The following PLCB4 variants were observed in gnomAD, a reference collection of about 807,000 sequenced individuals.
PLCB4 encodes 1-phosphatidylinositol 4,5-bisphosphate phosphodiesterase beta-4.
In PLCB4, 77 loss-of-function variants were observed where a neutral mutation model predicts 178.8. That is an observed-to-expected ratio of 0.43 (90% CI 0.36 to 0.52). PLCB4 has a LOEUF of 0.52. Ranked by LOEUF, PLCB4 falls within the 20% of genes least tolerant of loss-of-function variation. The pLI is 0.00. For missense variants in PLCB4, 1,024 were observed against 1,453.4 expected (o/e 0.70, Z 4.80); for synonymous variants, 496 against 490.8 (o/e 1.01, Z -0.14).
intron 37 of PLCB4, 25 bp from the exon 38 acceptor site, chr20:9,473,254 A>ATTTTTTT (rs3037097): frequency 8.4e-7 from 1 of 1,196,200 alleles, no homozygotes; most frequent in African/African-American, 1.7e-5. Flanking sequence ...TTCAATCAGA[A>ATTTTTTT]TTTTTTTTTT....
intron 7 of PLCB4, among the ~76,000 whole-genome samples, chr20:9,339,615 T>C (rs1017282818): frequency 6.6e-6 from 1 of 152,172 alleles, no homozygotes; most frequent in African/African-American, 2.4e-5. Flanking sequence ...ATAAAATTTA[T>C]TAGTGACATA....
At chr20:9,232,047 C>G (rs901393276) in intron 3 of PLCB4, among the ~76,000 whole-genome samples, 1 of 152,216 alleles carries the variant, frequency 6.6e-6, no homozygotes, top group African/African-American at 2.4e-5. Flanking sequence ...AGAGGCACCT[C>G]ACAAAATAAT....
intron 35 of PLCB4, among the ~76,000 whole-genome samples, chr20:9,463,027 G>A (rs1189010813): frequency 1.3e-5 from 2 of 152,130 alleles, no homozygotes; most frequent in Admixed American, 6.6e-5. Flanking sequence ...GAAAGGTCGG[G>A]TTACCCACAA....
chr20:9,345,922 T>C (rs1601986450), intron 7 of PLCB4, among the ~76,000 whole-genome samples: 1 of 152,194 alleles, frequency 6.6e-6, no homozygotes, highest in African/African-American at 2.4e-5. Context: ...AAAGACTTAC[T>C]GCAATGGTTC....
At chr20:9,238,220 C>A (rs552514572) in intron 3 of PLCB4, among the ~76,000 whole-genome samples, 2 of 152,250 alleles carry the variant, frequency 1.3e-5, no homozygotes, top group East Asian at 3.9e-4. Flanking sequence ...ATAGTGCCAG[C>A]ATATACTGTT....
intron 2 of PLCB4, among the ~76,000 whole-genome samples, chr20:9,143,792 T>C (rs2092542113): frequency 1.3e-5 from 2 of 152,134 alleles, no homozygotes; most frequent in African/African-American, 4.8e-5. Flanking sequence ...GGAACAGCAT[T>C]GGCAAGAAAT....
intron 2 of PLCB4, among the ~76,000 whole-genome samples, chr20:9,110,926 G>C (rs1330476090): frequency 6.6e-6 from 1 of 152,080 alleles, no homozygotes; most frequent in Admixed American, 6.6e-5. Flanking sequence ...ATATTGTACT[G>C]TTGTTCTTTT....
intron 4 of PLCB4, among the ~76,000 whole-genome samples, chr20:9,321,853 C>T (rs1481276696): frequency 1.3e-5 from 2 of 151,862 alleles, no homozygotes; most frequent in African/African-American, 2.4e-5. Flanking sequence ...AGGCTGGTCT[C>T]GAACTTTTGA....
At chr20:9,154,341 T>C (rs1480541447) in intron 2 of PLCB4, among the ~76,000 whole-genome samples, 2 of 152,152 alleles carry the variant, frequency 1.3e-5, no homozygotes, top group African/African-American at 2.4e-5. Flanking sequence ...CTGAATAAAA[T>C]TGGGGCTCTC....
At chr20:9,467,555 G>A (rs1298557509) in intron 35 of PLCB4, among the ~76,000 whole-genome samples, 1 of 152,126 alleles carries the variant, frequency 6.6e-6, no homozygotes, top group Non-Finnish European at 1.5e-5. Flanking sequence ...TATTATTCTT[G>A]GTTAAAAATC....
At chr20:9,246,818 G>T (rs192204667) in intron 3 of PLCB4, among the ~76,000 whole-genome samples, 5 of 152,190 alleles carry the variant, frequency 3.3e-5, no homozygotes, top group Admixed American at 3.3e-4. Flanking sequence ...TTGCTTAGGG[G>T]AGTCTTAATA....
intron 2 of PLCB4, among the ~76,000 whole-genome samples, chr20:9,192,698 C>G (rs1044192789): frequency 6.6e-6 from 1 of 151,422 alleles, no homozygotes; most frequent in Non-Finnish European, 1.5e-5. Context: ...ACCTTTAGTA[C>G]CAGCAAGTCA....
intron 2 of PLCB4, among the ~76,000 whole-genome samples, chr20:9,156,315 A>T (rs978470793): frequency 6.6e-6 from 1 of 152,160 alleles, no homozygotes; most frequent in Non-Finnish European, 1.5e-5. Flanking sequence ...CATAATATGT[A>T]ACACTGACAT....
At chr20:9,459,878 A>T (rs140928616) in intron 35 of PLCB4, 68 bp downstream of exon 35, 2 of 1,024,752 alleles carry the variant, frequency 2.0e-6, no homozygotes, top group East Asian at 5.0e-5. Context: ...TTGTGTGTAT[A>T]AGAGAGCCAA....
At chr20:9,142,824 C>G (rs1228282843) in intron 2 of PLCB4, among the ~76,000 whole-genome samples, 1 of 152,124 alleles carries the variant, frequency 6.6e-6, no homozygotes, top group Non-Finnish European at 1.5e-5. Context: ...TGCCCTGCTC[C>G]TAGTCTAAAT....
chr20:9,355,192 G>C (rs1349363986), intron 7 of PLCB4, among the ~76,000 whole-genome samples: 1 of 152,102 alleles, frequency 6.6e-6, no homozygotes, highest in African/African-American at 2.4e-5. Flanking sequence ...TGCCCTCAAA[G>C]TTAAATACTG....
Position 9,365,461 on chromosome 20 carries a change from C to A in PLCB4, c.450C>A (p.His150Gln). ...NVSPMTCLKK[H>Q]WMKLAFMTNT... is the part of the protein sequence containing the mutation. ...CAATGTTATTGCTATTGTTTTGCAG[C>A]TGGATGAAATTGGCATTTATGACCA... is the stretch of plus-strand genomic sequence containing the variant. The change falls in exon 9 of 40, where the codon CAC (histidine) becomes CAA (glutamine). Residue 150 changes from histidine (H) to glutamine (Q), a missense_variant and splice_region_variant. His to Gln is a conservative substitution (Grantham distance 24, BLOSUM62 0). Coordinates refer to ENST00000378473, the MANE Select transcript of PLCB4 (RefSeq NM_001377142.1). 6.2e-7 allele frequency: 1 copy of A among 1,601,130 alleles called. No homozygotes were observed.
intron 4 of PLCB4, among the ~76,000 whole-genome samples, chr20:9,335,626 T>C (rs548929709): frequency 2.6e-5 from 4 of 152,322 alleles, no homozygotes; most frequent in African/African-American, 9.6e-5. Context: ...TGCTTTATGT[T>C]CACCATCTCA....
At chr20:9,310,030 GCAAA>G in intron 4 of PLCB4, among the ~76,000 whole-genome samples, 1 of 152,286 alleles carries the variant, frequency 6.6e-6, no homozygotes, top group Middle Eastern at 3.4e-3. Flanking sequence ...ACTTTATAAA[GCAAA>G]CATGCGTCTT....
Sources: allele counts gnomAD v4.1 joint callset (sites outside exome capture counted in the v4.1 genomes callset), GRCh38; gene constraint gnomAD v4.1.1; transcripts MANE v1.5; gene names NCBI Gene and HGNC (gene_info 2026-07-23, HGNC 2026-07-21).